Variants in SSBP2 observed in about 807,000 individuals in gnomAD.
SSBP2 encodes single stranded DNA binding protein 2.
Under a neutral mutation model 61.8 loss-of-function variants are expected in SSBP2, and 17 were observed. The ratio of observed to expected loss-of-function variants is 0.28; its 90% CI spans 0.19 to 0.41. The LOEUF (loss-of-function observed/expected upper bound fraction) is 0.41, where lower values mean the gene tolerates loss of function less well. Among genes scored for constraint, SSBP2 ranks in the 10% least tolerant of loss-of-function variants. The probability of loss-of-function intolerance (pLI) is 1.00; values close to 1 mark genes in which losing one functional copy is unlikely to be tolerated. For missense variants in SSBP2, 310 were observed against 458.7 expected, an observed-to-expected ratio of 0.68 and a Z score of 2.96; for synonymous variants, 139 against 141.3, an observed-to-expected ratio of 0.98 and a Z score of 0.12.
At chr5:81,451,941 C>T (rs2153981220) in intron 10 of SSBP2, among the ~76,000 whole-genome samples, 1 of 152,254 alleles carries the variant, frequency 6.6e-6, no homozygotes, top group East Asian at 1.9e-4. Flanking sequence ...GCTCCTAGCC[C>T]TAGGACCAGT....
At position 81,489,250 on chromosome 5, in the gene SSBP2, C is replaced by T; in HGVS notation, c.432G>A (p.Gln144=). 6.2e-7 allele frequency: 1 copy of T among 1,608,800 alleles called. No homozygotes were observed. Among genetic ancestry groups the T allele is most frequent in the Non-Finnish European group, 8.5e-7 (1 of 1,177,946 alleles). The stretch of plus-strand genomic sequence containing the variant: ...AACTTACATAGCACATAAATCTTAC[C>T]TGATTAGGTATCCTCAATGGGGGCC... The change falls in exon 6 of 17, where the codon CAG becomes CAA. Residue 144 remains glutamine (Q), a splice_region_variant and synonymous_variant. Coordinates refer to ENST00000320672, the MANE Select transcript of SSBP2 (RefSeq NM_012446.5).
At chr5:81,462,328 T>C (rs1471770716) in intron 9 of SSBP2, among the ~76,000 whole-genome samples, 3 of 152,210 alleles carry the variant, frequency 2.0e-5, no homozygotes, top group Non-Finnish European at 2.9e-5. Context: ...CTGAGCAAGT[T>C]AGTTATGATA....
intron 10 of SSBP2, among the ~76,000 whole-genome samples, chr5:81,450,155 C>A (rs998600278): frequency 2.6e-5 from 4 of 152,134 alleles, no homozygotes; most frequent in African/African-American, 9.7e-5. Context: ...CTTGGCCCCA[C>A]AAGTAGCTGG....
At chr5:81,541,391 T>A (rs192191019) in intron 4 of SSBP2, among the ~76,000 whole-genome samples, 2 of 152,178 alleles carry the variant, frequency 1.3e-5, no homozygotes, top group East Asian at 3.9e-4. Flanking sequence ...ACTACCAATG[T>A]CATTTTTCAC....
At chr5:81,639,245 A>G (rs899658358) in intron 2 of SSBP2, among the ~76,000 whole-genome samples, 1 of 152,212 alleles carries the variant, frequency 6.6e-6, no homozygotes. Context: ...AGTTGCTGAT[A>G]TTAACTTTCT....
At chr5:81,442,935 T>C (rs1210285889) in intron 12 of SSBP2, 7 of 360,256 alleles carry the variant, frequency 1.9e-5, no homozygotes, top group African/African-American at 1.3e-4. Flanking sequence ...GAGGAATCAC[T>C]TCAATAATTC....
chr5:81,630,410 G>T (rs528428333), intron 3 of SSBP2, among the ~76,000 whole-genome samples: 2 of 152,060 alleles, frequency 1.3e-5, no homozygotes, highest in South Asian at 4.1e-4. Flanking sequence ...GAGATCCATA[G>T]CTCTCATCAG....
At chr5:81,577,297 TGTCA>T (rs990425798) in intron 4 of SSBP2, among the ~76,000 whole-genome samples, 2 of 152,036 alleles carry the variant, frequency 1.3e-5, no homozygotes, top group Non-Finnish European at 2.9e-5. Context: ...CCAAAGCCTC[TGTCA>T]GTCAAAGTAA....
intron 4 of SSBP2, among the ~76,000 whole-genome samples, chr5:81,558,611 C>A (rs1395762922): frequency 2.0e-5 from 3 of 152,202 alleles, no homozygotes; most frequent in Non-Finnish European, 4.4e-5. Context: ...GATGAACTAT[C>A]CTTTTCCTAA....
intron 6 of SSBP2, among the ~76,000 whole-genome samples, chr5:81,475,769 G>C (rs1397962180): frequency 6.6e-6 from 1 of 152,064 alleles, no homozygotes; most frequent in African/African-American, 2.4e-5. Context: ...TCAGTTTAGG[G>C]ATCACTTCCT....
At chr5:81,584,114 G>A (rs1774888849) in intron 4 of SSBP2, among the ~76,000 whole-genome samples, 1 of 152,066 alleles carries the variant, frequency 6.6e-6, no homozygotes, top group South Asian at 2.1e-4. Context: ...AAATTAGCCA[G>A]TTATAGAGCT....
At chr5:81,549,292 C>A (rs1771995797) in intron 4 of SSBP2, among the ~76,000 whole-genome samples, 3 of 152,152 alleles carry the variant, frequency 2.0e-5, no homozygotes, top group South Asian at 4.2e-4. Context: ...CAATCTCTCG[C>A]CTTGCTCTGA....
upstream of SSBP2, chr5:81,751,142 C>T: frequency 8.1e-7 from 1 of 1,235,036 alleles, no homozygotes; most frequent in Admixed American, 2.0e-5. Context: ...CAGCCACCCC[C>T]ACTATTGGCC....
chr5:81,436,233 A>G (rs1357205006), intron 15 of SSBP2, among the ~76,000 whole-genome samples: 1 of 151,378 alleles, frequency 6.6e-6, no homozygotes, highest in East Asian at 1.9e-4. Context: ...AGCCAACACA[A>G]TCATGGTAAT....
intron 1 of SSBP2, among the ~76,000 whole-genome samples, chr5:81,710,972 G>A (rs1284949261): frequency 6.6e-6 from 1 of 151,934 alleles, no homozygotes; most frequent in African/African-American, 2.4e-5. Context: ...AAATCCTGAA[G>A]AGCCAGGCAA....
intron 5 of SSBP2, among the ~76,000 whole-genome samples, chr5:81,498,555 T>C (rs1276695779): frequency 6.6e-6 from 1 of 152,084 alleles, no homozygotes; most frequent in East Asian, 1.9e-4. Context: ...TCTGCAAAAG[T>C]AATAAAAATA....
chr5:81,570,380 G>A (rs529309599), intron 4 of SSBP2, among the ~76,000 whole-genome samples: 18 of 152,116 alleles, frequency 1.2e-4, no homozygotes, highest in African/African-American at 4.1e-4. Context: ...TAATCTTTGA[G>A]GTATCTGAAA....
At chr5:81,678,594 G>A (rs1273845789) in intron 1 of SSBP2, among the ~76,000 whole-genome samples, 1 of 151,332 alleles carries the variant, frequency 6.6e-6, no homozygotes, top group African/African-American at 2.4e-5. Context: ...CATGATAAAG[G>A]ACAAAAAAAT....
intron 6 of SSBP2, among the ~76,000 whole-genome samples, chr5:81,483,076 A>G (rs1464567486): frequency 1.3e-5 from 2 of 152,204 alleles, no homozygotes; most frequent in African/African-American, 2.4e-5. Flanking sequence ...CAGAACATAC[A>G]GAATTATGAA....
Sources: gnomAD v4.1 joint callset for allele counts (sites outside exome capture counted in the v4.1 genomes callset) on GRCh38, gnomAD v4.1.1 for gene constraint, MANE v1.5 for transcripts, NCBI Gene and HGNC (gene_info 2026-07-23, HGNC 2026-07-21) for gene names.